The following LRTM3 variants were observed in gnomAD, a reference collection of about 807,000 sequenced individuals.
LRTM3 encodes leucine rich repeat transmembrane protein 3, also known as leucine-rich repeat transmembrane protein 3.
chr13:102,739,068 C>T, the LRTM3 span: 1 of 1,550,480 alleles, frequency 6.4e-7, no homozygotes, highest in South Asian at 1.2e-5. Flanking sequence ...CTTGTTATTC[C>T]TCTCATGTAT....
the LRTM3 span, chr13:102,733,858 T>G: frequency 1.9e-6 from 3 of 1,551,436 alleles, no homozygotes; most frequent in East Asian, 2.4e-5. Context: ...CATACTGTTC[T>G]GCTTGCTTAA....
chr13:102,741,820 T>C, the LRTM3 span: 15 of 1,547,534 alleles, frequency 9.7e-6, no homozygotes, highest in Middle Eastern at 1.7e-4. Flanking sequence ...GGAATTCAAG[T>C]TCTTCATCTG....
chr13:102,749,131 C>G, the LRTM3 span: 7 of 1,550,264 alleles, frequency 4.5e-6, no homozygotes, highest in Non-Finnish European at 6.1e-6. Context: ...CAGTGTTATT[C>G]TTGCATCCTA....
At chr13:102,749,882 T>A in the LRTM3 span, 12 of 1,551,356 alleles carry the variant, frequency 7.7e-6, no homozygotes, top group Non-Finnish European at 1.0e-5. Context: ...TCTTGAGCAT[T>A]GATAAGTAGT....
chr13:102,733,003 C>T, the LRTM3 span: 1 of 1,551,426 alleles, frequency 6.4e-7, no homozygotes, highest in Non-Finnish European at 8.7e-7. Context: ...GCTTCCTTCC[C>T]CCTTTTGCAG....
the LRTM3 span, chr13:102,735,426 G>C: frequency 6.4e-7 from 1 of 1,551,248 alleles, no homozygotes; most frequent in South Asian, 1.2e-5. Flanking sequence ...ACGTTCTCCT[G>C]TCCTTCTGTT....
the LRTM3 span, chr13:102,731,854 T>A: frequency 6.5e-7 from 1 of 1,550,302 alleles, no homozygotes; most frequent in East Asian, 2.4e-5. Context: ...CAAGCATAGA[T>A]GGACACTCTG....
chr13:102,754,297 G>A, the LRTM3 span, among the ~76,000 whole-genome samples: 1 of 128,100 alleles, frequency 7.8e-6, no homozygotes, highest in African/African-American at 2.7e-5. Flanking sequence ...TGCTCACTGA[G>A]ACTATGCCTG....
chr13:102,743,133 C>G, the LRTM3 span: 1 of 1,550,528 alleles, frequency 6.4e-7, no homozygotes, highest in South Asian at 1.2e-5. Context: ...GGATCCATTT[C>G]TGTAAGATGT....
At chr13:102,738,141 G>C in the LRTM3 span, 3 of 1,550,964 alleles carry the variant, frequency 1.9e-6, no homozygotes, top group African/African-American at 4.1e-5. Flanking sequence ...TTCAATGGTA[G>C]GTCCTGTGAA....
the LRTM3 span, among the ~76,000 whole-genome samples, chr13:102,753,596 C>G: frequency 6.7e-6 from 1 of 150,188 alleles, no homozygotes; most frequent in Non-Finnish European, 1.5e-5. Flanking sequence ...CAGGAGAAAC[C>G]AAGCCTTTCA....
chr13:102,747,256 A>C, the LRTM3 span: 1 of 1,549,838 alleles, frequency 6.5e-7, no homozygotes, highest in Non-Finnish European at 8.7e-7. Context: ...TATTAGGCAA[A>C]ATAGACATGG....
chr13:102,759,023 C>T, the LRTM3 span: 1 of 715,056 alleles, frequency 1.4e-6, no homozygotes, highest in Non-Finnish European at 2.3e-6. Context: ...ATGCCCAACT[C>T]ATAACCATGT....
At chr13:102,744,690 G>A in the LRTM3 span, 1 of 1,550,770 alleles carries the variant, frequency 6.4e-7, no homozygotes, top group Non-Finnish European at 8.7e-7. Flanking sequence ...CGGAGGTGTT[G>A]ACTATAGCAT....
chr13:102,744,407 C>T, the LRTM3 span: 3 of 1,549,982 alleles, frequency 1.9e-6, no homozygotes, highest in African/African-American at 4.1e-5. Context: ...ATTTTCATCC[C>T]AAGGGGTATC....
the LRTM3 span, chr13:102,736,764 C>A: frequency 4.5e-6 from 7 of 1,550,932 alleles, no homozygotes; most frequent in Middle Eastern, 1.7e-4. Flanking sequence ...GGATGCATTA[C>A]ACTTTTCTCT....
chr13:102,751,198 T>A, the LRTM3 span, among the ~76,000 whole-genome samples: 1 of 152,094 alleles, frequency 6.6e-6, no homozygotes, highest in Non-Finnish European at 1.5e-5. Context: ...AAAAGACTCA[T>A]ACCTCAACCC....
At chr13:102,739,746 C>T in the LRTM3 span, 2 of 1,549,154 alleles carry the variant, frequency 1.3e-6, no homozygotes, top group Non-Finnish European at 1.7e-6. Context: ...GTACTTTTAA[C>T]ATTACTTGAG....
At chr13:102,746,828 A>T in the LRTM3 span, 1 of 1,551,274 alleles carries the variant, frequency 6.4e-7, no homozygotes, top group Non-Finnish European at 8.7e-7. Context: ...GTCTCCAATC[A>T]GTGATTTTCC....
Sources: gnomAD v4.1 joint callset for allele counts (sites outside exome capture counted in the v4.1 genomes callset) on GRCh38, gnomAD v4.1.1 for gene constraint, MANE v1.5 for transcripts, NCBI Gene and HGNC (gene_info 2026-07-23, HGNC 2026-07-21) for gene names.